Variants in SEMA3C observed in about 807,000 individuals in gnomAD.
The protein encoded by SEMA3C is semaphorin 3C.
Under a neutral mutation model 89.4 loss-of-function variants are expected in SEMA3C, and 47 were observed. The observed-to-expected ratio is 0.53, with a 90% CI of 0.42 to 0.67. The LOEUF is 0.67. Among genes scored for constraint, SEMA3C ranks in the 30% least tolerant of loss-of-function variants. The pLI is 0.00. For missense variants in SEMA3C, 839 were observed against 929.1 expected (o/e 0.90, Z 1.26); for synonymous variants, 310 against 320.2 (o/e 0.97, Z 0.34).
chr7:80,895,379 G>A (rs1161396531), intron 2 of SEMA3C, among the ~76,000 whole-genome samples: 4 of 152,172 alleles, frequency 2.6e-5, no homozygotes, highest in African/African-American at 9.6e-5. Context: ...TAGTAAAACA[G>A]ATAGTATTTC....
Position 80,745,064 on chromosome 7 carries a change from C to A in SEMA3C, c.2086G>T (p.Ala696Ser). 1.9e-6 allele frequency: 3 copies of A among 1,614,074 alleles called. No homozygotes were observed. Among genetic ancestry groups the A allele is most frequent in the Non-Finnish European group, 2.5e-6 (3 of 1,179,990 alleles). Residue 696 changes from alanine to serine, a missense_variant, in exon 18 of 18, where the codon GCA (alanine) becomes TCA (serine). Physicochemically the swap from Ala to Ser is moderately conservative, Grantham distance 99 (BLOSUM62 1). Coordinates refer to ENST00000265361, the MANE Select transcript of SEMA3C (RefSeq NM_006379.5). ...ATCTGCATTTCTGAGTGGCTGAATG[C>A]CCCCATGATGTCCTTCGGGTGGAAG... ...LPFHPKDIMG[A>S]FSHSEMQMIN...
At chr7:80,886,854 G>C (rs1477171769) in intron 2 of SEMA3C, among the ~76,000 whole-genome samples, 2 of 152,086 alleles carry the variant, frequency 1.3e-5, no homozygotes. Context: ...AATATATGTA[G>C]TTAATAATCT....
At chr7:80,911,915 G>A (rs1792160622) in intron 2 of SEMA3C, among the ~76,000 whole-genome samples, 1 of 152,088 alleles carries the variant, frequency 6.6e-6, no homozygotes, top group African/African-American at 2.4e-5. Flanking sequence ...TTACAGGCGT[G>A]AGCCCCCGTG....
intron 2 of SEMA3C, among the ~76,000 whole-genome samples, chr7:80,833,389 A>G (rs1404152743): frequency 6.6e-6 from 1 of 151,972 alleles, no homozygotes; most frequent in Non-Finnish European, 1.5e-5. Context: ...TGAACCTGGG[A>G]GGCGGAGGTT....
chr7:80,842,362 G>T (rs1790289126), intron 2 of SEMA3C, among the ~76,000 whole-genome samples: 1 of 152,100 alleles, frequency 6.6e-6, no homozygotes. Flanking sequence ...GATCAGTGTT[G>T]CACTTTGCTG....
intron 10 of SEMA3C, among the ~76,000 whole-genome samples, chr7:80,798,948 C>G (rs754423098): frequency 1.2e-4 from 19 of 152,084 alleles, no homozygotes; most frequent in Non-Finnish European, 1.9e-4. Context: ...GGTGCATTCC[C>G]ATAAAAACAA....
intron 14 of SEMA3C, among the ~76,000 whole-genome samples, chr7:80,761,337 C>A (rs140093019): frequency 6.6e-6 from 1 of 152,148 alleles, no homozygotes; most frequent in African/African-American, 2.4e-5. Context: ...CTTCACACAC[C>A]GTAATATTTG....
chr7:80,885,851 C>T (rs553314749), intron 2 of SEMA3C, among the ~76,000 whole-genome samples: 1 of 152,332 alleles, frequency 6.6e-6, no homozygotes, highest in African/African-American at 2.4e-5. Flanking sequence ...TATTTGCAAC[C>T]TCTGCTGCTC....
chr7:80,764,578 C>CT (rs777431040), intron 13 of SEMA3C, among the ~76,000 whole-genome samples: 4 of 151,930 alleles, frequency 2.6e-5, no homozygotes, highest in East Asian at 3.9e-4. Context: ...TTTTTCTGTC[C>CT]TTTTTTTCTT....
At position 80,810,686 on chromosome 7, in the gene SEMA3C, T is replaced by A; in HGVS notation, c.463A>T (p.Ile155Phe). 3 of 1,613,540 alleles carry A rather than the reference T, an allele frequency of 1.9e-6. No individual in the cohort carries two copies. The highest frequency in any genetic ancestry group is 2.5e-6 in the Non-Finnish European group (3 of 1,179,596). ...GRRSEDQVFM[I>F]DSKCESGKGR... ...TTTCCAGATTCACACTTGGAGTCAA[T>A]CATGAAAACTTGGTCCTTTATTGTA... The change falls in exon 6 of 18, where the codon ATT (isoleucine) becomes TTT (phenylalanine). Residue 155 changes from isoleucine to phenylalanine, a missense_variant. Coordinates refer to ENST00000265361, the MANE Select transcript of SEMA3C (RefSeq NM_006379.5).
intron 2 of SEMA3C, among the ~76,000 whole-genome samples, chr7:80,910,676 G>GTT: frequency 7.0e-6 from 1 of 143,834 alleles, no homozygotes. Context: ...TTTTTTAACA[G>GTT]TAATGGAACT....
At chr7:80,763,909 T>C (rs532764705) in intron 13 of SEMA3C, among the ~76,000 whole-genome samples, 2 of 152,322 alleles carry the variant, frequency 1.3e-5, no homozygotes, top group South Asian at 4.1e-4. Context: ...ATTGACGTCA[T>C]TTTATGAGCC....
chr7:80,885,982 A>G (rs1791465738), intron 2 of SEMA3C, among the ~76,000 whole-genome samples: 1 of 152,204 alleles, frequency 6.6e-6, no homozygotes, highest in South Asian at 2.1e-4. Context: ...TGCTGATGAC[A>G]TATTGATTTT....
At chr7:80,801,533 T>A (rs1230951883) in intron 9 of SEMA3C, among the ~76,000 whole-genome samples, 1 of 152,112 alleles carries the variant, frequency 6.6e-6, no homozygotes, top group Non-Finnish European at 1.5e-5. Flanking sequence ...GCCATGATTA[T>A]ATGAAAGGCC....
Position 80,861,114 on chromosome 7 carries a change from C to CTG in SEMA3C, c.104-32370_104-32369insCA, listed in dbSNP as rs1380024313. Among the ~76,000 whole-genome samples, 9 of 152,182 alleles carry CTG rather than the reference C, an allele frequency of 5.9e-5. No individual in the cohort carries two copies. In the East Asian group the frequency reaches 9.7e-4, roughly 16 times the overall value. The stretch of plus-strand genomic sequence containing the variant: ...GCCATCCTGTTCCCTCACAACAGCA[C>CTG]TACAGGGCAGACTTTCAGTATAAAA... On this transcript the variant is annotated intron_variant, in intron 2 of 17. Coordinates refer to ENST00000265361, the MANE Select transcript of SEMA3C (RefSeq NM_006379.5).
intron 15 of SEMA3C, among the ~76,000 whole-genome samples, chr7:80,757,698 C>T (rs1434094349): frequency 6.6e-6 from 1 of 152,152 alleles, no homozygotes; most frequent in East Asian, 1.9e-4. Context: ...CGGCCGGGAG[C>T]GGTGGCTCAC....
intron 2 of SEMA3C, among the ~76,000 whole-genome samples, chr7:80,864,509 T>G (rs1790880553): frequency 6.6e-6 from 1 of 152,056 alleles, no homozygotes; most frequent in Non-Finnish European, 1.5e-5. Context: ...ACTAAAGTAA[T>G]CTTAAATTAG....
chr7:80,873,437 C>T, intron 2 of SEMA3C, among the ~76,000 whole-genome samples: 1 of 152,164 alleles, frequency 6.6e-6, no homozygotes, highest in East Asian at 1.9e-4. Flanking sequence ...ATACTTGAGT[C>T]AATTTTTAAG....
At chr7:80,805,245 T>A (rs1177970556) in intron 7 of SEMA3C, among the ~76,000 whole-genome samples, 1 of 152,124 alleles carries the variant, frequency 6.6e-6, no homozygotes, top group Non-Finnish European at 1.5e-5. Context: ...CTCAATGTCA[T>A]ACATTTGGGA....
Sources: allele counts gnomAD v4.1 joint callset (sites outside exome capture counted in the v4.1 genomes callset), GRCh38; gene constraint gnomAD v4.1.1; transcripts MANE v1.5; gene names NCBI Gene and HGNC (gene_info 2026-07-23, HGNC 2026-07-21).